Variants in SYDE2 observed in about 807,000 individuals in gnomAD.
SYDE2 encodes rho GTPase-activating protein SYDE2.
In SYDE2, 76 loss-of-function variants were observed where a neutral mutation model predicts 91.5. The observed-to-expected ratio is 0.83, with a 90% CI of 0.69 to 1.01. SYDE2 has a LOEUF of 1.01. SYDE2 is among the 50% of genes least tolerant of loss of function. The pLI is 0.00. For synonymous variants in SYDE2, 513 were observed against 506.4 expected (o/e 1.01, Z -0.18); for missense variants, 1,364 against 1,367.7 (o/e 1.00, Z 0.04).
intron 2 of SYDE2, among the ~76,000 whole-genome samples, chr1:85,187,098 A>G (rs1372200998): frequency 6.6e-6 from 1 of 152,068 alleles, no homozygotes; most frequent in Admixed American, 6.6e-5. Flanking sequence ...ATGGGAGAAA[A>G]TTTTCGCAAC....
At position 85,190,550 on chromosome 1, in the gene SYDE2, G is replaced by A; in HGVS notation, c.948C>T (p.Ile316=). 2.5e-6 allele frequency: 4 copies of A among 1,614,004 alleles called. No homozygotes were observed. The highest frequency in any genetic ancestry group is 2.2e-5 in the East Asian group (1 of 44,882). Reference sequence around the variant, plus strand: ...GATGTTTAGGTAGAGACACAGGTGAGATGGATAAATGACTTCTATCTTGGC... The same window carrying A: ...GATGTTTAGGTAGAGACACAGGTGAAATGGATAAATGACTTCTATCTTGGC... ...KKCQDRSHLS[I]SPVSLPKHQL... is the part of the protein sequence containing the mutation. The change falls in exon 2 of 7, where the codon ATC becomes ATT. Residue 316 remains isoleucine (I), a synonymous_variant. Transcript: ENST00000341460.
At chr1:85,180,456 C>A (rs1657868543) in intron 3 of SYDE2, among the ~76,000 whole-genome samples, 1 of 152,046 alleles carries the variant, frequency 6.6e-6, no homozygotes, top group Non-Finnish European at 1.5e-5. Flanking sequence ...CTTTGGGAGG[C>A]CGAGGCAGGC....
intron 2 of SYDE2, among the ~76,000 whole-genome samples, chr1:85,188,713 C>T (rs1006386103): frequency 1.3e-4 from 20 of 152,122 alleles, no homozygotes; most frequent in African/African-American, 4.8e-4. Flanking sequence ...AGGGAGATGA[C>T]GTAGTTCTAT....
At chr1:85,194,888 C>T (rs1376085560) in intron 1 of SYDE2, 20 of 965,370 alleles carry the variant, frequency 2.1e-5, no homozygotes, top group South Asian at 9.6e-5. Context: ...CGGCTGGGCG[C>T]GGTGGCTCAC....
intron 2 of SYDE2, among the ~76,000 whole-genome samples, chr1:85,185,594 G>T (rs912590787): frequency 2.6e-5 from 4 of 152,038 alleles, no homozygotes; most frequent in Non-Finnish European, 4.4e-5. Context: ...CTCATGATTT[G>T]GCTGTTTGTC....
intron 2 of SYDE2, among the ~76,000 whole-genome samples, chr1:85,186,441 A>G (rs2100679658): frequency 6.6e-6 from 1 of 152,300 alleles, no homozygotes; most frequent in Admixed American, 6.5e-5. Context: ...CATACTGCCC[A>G]AGGTAATTAA....
chr1:85,200,147 G>A, intron 1 of SYDE2, 105 bp downstream of exon 1: 1 of 1,569,106 alleles, frequency 6.4e-7, no homozygotes, highest in South Asian at 1.2e-5. Flanking sequence ...GCCCGGTAAC[G>A]TACCTGTCGC....
In SYDE2 at chr1:85,200,809, C is replaced by T. The variant is rs921800282; in HGVS notation, c.188G>A (p.Arg63Gln). 1 of 1,458,984 alleles carries T rather than the reference C, an allele frequency of 6.9e-7. No homozygotes were observed. The highest frequency in any genetic ancestry group is 9.0e-7 in the Non-Finnish European group (1 of 1,113,574). The allele number at this position is 1,458,984 out of a possible 1,614,324, so 90.4% of individuals were successfully genotyped here. The change falls in exon 1 of 7, where the codon CGG becomes CAG. Residue 63 changes from arginine (R) to glutamine (Q), a missense_variant. By Grantham distance (43) the Arg-to-Gln change is conservative. Coordinates refer to ENST00000341460, the MANE Select transcript of SYDE2 (RefSeq NM_032184.2). The stretch of plus-strand genomic sequence containing the variant: ...TCCCCGCGGCTCCCTCTGAGGCGAC[C>T]GGGGCGGGGACACCTGCTGCCGAGG... ...GRPRQQVSPP[R>Q]SPQREPRGGQ...
intron 3 of SYDE2, among the ~76,000 whole-genome samples, chr1:85,179,416 A>G (rs1006566189): frequency 1.3e-5 from 2 of 152,226 alleles, no homozygotes; most frequent in African/African-American, 2.4e-5. Flanking sequence ...GAAAGTGTCA[A>G]TAGATACAGG....
chr1:85,195,029 G>A (rs1305025186), intron 1 of SYDE2, among the ~76,000 whole-genome samples: 4 of 152,108 alleles, frequency 2.6e-5, no homozygotes, highest in East Asian at 1.9e-4. Flanking sequence ...GCATGGTGGC[G>A]GGCGCCTGTA....
At chr1:85,161,565 A>C (rs1192959920) in intron 6 of SYDE2, among the ~76,000 whole-genome samples, 2 of 151,994 alleles carry the variant, frequency 1.3e-5, no homozygotes, top group African/African-American at 4.8e-5. Flanking sequence ...ATCTCTACTA[A>C]AAATACAAAA....
In SYDE2 at chr1:85,187,787, G is replaced by A. The variant is rs1301452030; in HGVS notation, c.1441+2270C>T. Among the ~76,000 whole-genome samples, 3 of 148,476 alleles carry A rather than the reference G, an allele frequency of 2.0e-5. No individual in the cohort carries two copies. The Admixed American group carries it at 2.1e-4, about 10-fold the overall frequency. On this transcript the variant is annotated intron_variant, in intron 2 of 6. Coordinates refer to ENST00000341460, the MANE Select transcript of SYDE2 (RefSeq NM_032184.2). ...AAGGACAAAAAACCAAACACCGCAT[G>A]TTCTCACTCATAGGTGGGAATTGAA...
chr1:85,168,959 A>G (rs1214397517), intron 5 of SYDE2, 85 bp downstream of exon 5: 3 of 1,245,830 alleles, frequency 2.4e-6, no homozygotes, highest in Non-Finnish European at 3.5e-6. Context: ...CAAATGTCAA[A>G]TATCTAAAAT....
intron 3 of SYDE2, 148 bp downstream of exon 3, chr1:85,181,950 C>T: frequency 7.0e-6 from 6 of 862,834 alleles, no homozygotes; most frequent in Non-Finnish European, 1.0e-5. Flanking sequence ...AAAAATTATA[C>T]CCTAAACAGT....
intron 5 of SYDE2, among the ~76,000 whole-genome samples, chr1:85,165,261 T>C (rs1459789248): frequency 6.6e-6 from 1 of 152,172 alleles, no homozygotes. Context: ...ACAACACAAT[T>C]TAATCCATTA....
intron 4 of SYDE2, among the ~76,000 whole-genome samples, chr1:85,175,085 G>A (rs867978988): frequency 6.6e-6 from 1 of 152,168 alleles, no homozygotes; most frequent in Non-Finnish European, 1.5e-5. Context: ...GCACTGACAT[G>A]AAATCTATTT....
rs980963935 is a variant in SYDE2, at chr1:85,160,217, A to T, written c.3086-968T>A. On this transcript the variant is annotated intron_variant, in intron 6 of 6. Coordinates refer to ENST00000341460, the MANE Select transcript of SYDE2 (RefSeq NM_032184.2). Reference sequence around the variant, plus strand: ...AAATCAGTGATAACACACCAACTTTATACTCTCCAATATATAATGAATGCT... The same window carrying T: ...AAATCAGTGATAACACACCAACTTTTTACTCTCCAATATATAATGAATGCT... 1.9e-5 allele frequency: 19 copies of T among 975,704 alleles called. No homozygotes were observed. In the African/African-American group the frequency reaches 3.3e-4, roughly 17 times the overall value. 60.4% of individuals were successfully genotyped at this position (975,704 alleles called of 1,614,324 possible). A position where few individuals can be genotyped will look rare whatever the true frequency, so the allele number is the denominator to read the frequency against.
chr1:85,192,171 C>G (rs1325133469), intron 1 of SYDE2, among the ~76,000 whole-genome samples: 1 of 152,096 alleles, frequency 6.6e-6, no homozygotes, highest in African/African-American at 2.4e-5. Context: ...AGTAACCTCC[C>G]TTCTACTGAA....
At chr1:85,165,441 A>G (rs188435785) in intron 5 of SYDE2, among the ~76,000 whole-genome samples, 29 of 152,304 alleles carry the variant, frequency 1.9e-4, no homozygotes, top group African/African-American at 6.0e-4. Flanking sequence ...AGTACAGATA[A>G]GTCCTGTAGT....
Sources: allele counts gnomAD v4.1 joint callset (sites outside exome capture counted in the v4.1 genomes callset), GRCh38; gene constraint gnomAD v4.1.1; transcripts MANE v1.5; gene names NCBI Gene and HGNC (gene_info 2026-07-23, HGNC 2026-07-21).